KCNJ6: variants seen among roughly 807,000 people sequenced by gnomAD.
KCNJ6 encodes the protein G protein-activated inward rectifier potassium channel 2.
Under a neutral mutation model 34.2 loss-of-function variants are expected in KCNJ6, and 9 were observed. The ratio of observed to expected loss-of-function variants is 0.26; its 90% CI spans 0.16 to 0.46. KCNJ6 has a LOEUF of 0.46. Ranked by LOEUF, KCNJ6 falls within the 20% of genes least tolerant of loss-of-function variation. The probability of loss-of-function intolerance (pLI) is 1.00; values close to 1 mark genes in which losing one functional copy is unlikely to be tolerated. For synonymous variants in KCNJ6, 196 were observed against 207.1 expected (o/e 0.95, Z 0.46); for missense variants, 236 against 531.3 (o/e 0.44, Z 5.46).
At chr21:37,809,389 G>T (rs374851611) in intron 2 of KCNJ6, among the ~76,000 whole-genome samples, 46 of 152,018 alleles carry the variant, frequency 3.0e-4, no homozygotes, top group East Asian at 5.8e-4. Context: ...GTGGGGAGAG[G>T]GGGGAGGGAT....
intron 2 of KCNJ6, among the ~76,000 whole-genome samples, chr21:37,815,135 G>A (rs192224604): frequency 6.6e-6 from 1 of 152,012 alleles, no homozygotes; most frequent in African/African-American, 2.4e-5. Flanking sequence ...GGGAGGCTGG[G>A]GGGAGATGGG....
At chr21:37,640,031 G>A (rs2054374253) in intron 3 of KCNJ6, among the ~76,000 whole-genome samples, 1 of 152,202 alleles carries the variant, frequency 6.6e-6, no homozygotes, top group Non-Finnish European at 1.5e-5. Flanking sequence ...GTCTATAGCA[G>A]TGAAAGAATG....
chr21:37,721,631 C>A (rs796448077), intron 2 of KCNJ6, among the ~76,000 whole-genome samples: 7 of 152,224 alleles, frequency 4.6e-5, no homozygotes, highest in African/African-American at 1.2e-4. Context: ...CATGGGTGAA[C>A]CTTGAAGACA....
intron 3 of KCNJ6, among the ~76,000 whole-genome samples, chr21:37,687,253 G>T (rs575205099): frequency 6.6e-6 from 1 of 152,116 alleles, no homozygotes; most frequent in East Asian, 1.9e-4. Flanking sequence ...TCAGCAACGC[G>T]GGGTTACAGG....
At chr21:37,812,486 T>C (rs2055327724) in intron 2 of KCNJ6, among the ~76,000 whole-genome samples, 1 of 152,102 alleles carries the variant, frequency 6.6e-6, no homozygotes, top group South Asian at 2.1e-4. Context: ...CACACCAAAA[T>C]CTCTGATGAA....
At chr21:37,828,226 G>A (rs776449275) in intron 2 of KCNJ6, among the ~76,000 whole-genome samples, 6 of 152,198 alleles carry the variant, frequency 3.9e-5, no homozygotes, top group Non-Finnish European at 7.3e-5. Flanking sequence ...AAGGTGACAT[G>A]GAATCAGGAA....
intron 1 of KCNJ6, among the ~76,000 whole-genome samples, chr21:37,908,151 C>T (rs16995633): frequency 2.6e-5 from 4 of 152,266 alleles, no homozygotes; most frequent in South Asian, 2.1e-4. Flanking sequence ...GAAATGGAAA[C>T]GATGTAAGAG....
chr21:37,673,660 A>AACC (rs2054551690), intron 3 of KCNJ6, among the ~76,000 whole-genome samples: 1 of 152,240 alleles, frequency 6.6e-6, no homozygotes, highest in Non-Finnish European at 1.5e-5. Flanking sequence ...TGACATGCAT[A>AACC]ACCAGCAGAC....
At chr21:37,889,616 C>T (rs918559878) in intron 1 of KCNJ6, among the ~76,000 whole-genome samples, 2 of 152,146 alleles carry the variant, frequency 1.3e-5, no homozygotes, top group African/African-American at 4.8e-5. Context: ...AGGCCAGAAG[C>T]CCCAAATCAA....
chr21:37,915,327 T>G (rs1289954073), intron 1 of KCNJ6, among the ~76,000 whole-genome samples: 1 of 152,200 alleles, frequency 6.6e-6, no homozygotes, highest in Admixed American at 6.5e-5. Flanking sequence ...TTTTTAGTCA[T>G]GCTAGCACAT....
chr21:37,826,336 G>A (rs1330209087), intron 2 of KCNJ6, among the ~76,000 whole-genome samples: 1 of 152,138 alleles, frequency 6.6e-6, no homozygotes, highest in African/African-American at 2.4e-5. Flanking sequence ...ATAATGTTGG[G>A]GTTCCTCCAG....
At chr21:37,814,695 G>A (rs986003703) in intron 2 of KCNJ6, among the ~76,000 whole-genome samples, 4 of 152,052 alleles carry the variant, frequency 2.6e-5, no homozygotes, top group South Asian at 2.1e-4. Context: ...TCAAGAGATC[G>A]AGGCCATCCT....
chr21:37,854,438 C>T (rs574181555), intron 1 of KCNJ6, among the ~76,000 whole-genome samples: 1 of 152,050 alleles, frequency 6.6e-6, no homozygotes, highest in Non-Finnish European at 1.5e-5. Context: ...TACTTGAGAG[C>T]TAAAAAATTG....
intron 3 of KCNJ6, among the ~76,000 whole-genome samples, chr21:37,646,460 T>A (rs1293093013): frequency 6.6e-6 from 1 of 152,172 alleles, no homozygotes; most frequent in Non-Finnish European, 1.5e-5. Context: ...TGGCTCAGGC[T>A]TTTAAAGACG....
At chr21:37,646,666 T>A (rs982255554) in intron 3 of KCNJ6, among the ~76,000 whole-genome samples, 31 of 142,772 alleles carry the variant, frequency 2.2e-4, no homozygotes, top group African/African-American at 7.0e-4. Context: ...GTTAGTTTTT[T>A]AAATTATTTT....
At chr21:37,832,401 A>T (rs962199685) in intron 2 of KCNJ6, among the ~76,000 whole-genome samples, 3 of 152,008 alleles carry the variant, frequency 2.0e-5, no homozygotes, top group African/African-American at 7.2e-5. Context: ...AGGTGACACA[A>T]CGTCTTCCTC....
intron 2 of KCNJ6, among the ~76,000 whole-genome samples, chr21:37,761,541 G>A (rs1457090059): frequency 6.7e-6 from 1 of 150,142 alleles, no homozygotes; most frequent in Non-Finnish European, 1.5e-5. Flanking sequence ...TGTGTGTCGT[G>A]TGTGTGGTAT....
chr21:37,803,077 T>G (rs1004889238), intron 2 of KCNJ6, among the ~76,000 whole-genome samples: 1 of 152,350 alleles, frequency 6.6e-6, no homozygotes, highest in Admixed American at 6.5e-5. Flanking sequence ...TTGACGTCCT[T>G]GGCTCATCCT....
At chr21:37,705,643 A>G (rs1469636917) in intron 3 of KCNJ6, among the ~76,000 whole-genome samples, 1 of 152,218 alleles carries the variant, frequency 6.6e-6, no homozygotes, top group East Asian at 1.9e-4. Context: ...GAATGGGGAA[A>G]AAAAGATTTT....
Sources: allele counts gnomAD v4.1 joint callset (sites outside exome capture counted in the v4.1 genomes callset), GRCh38; gene constraint gnomAD v4.1.1; transcripts MANE v1.5; gene names NCBI Gene and HGNC (gene_info 2026-07-23, HGNC 2026-07-21).